Variants in SLC9A2 observed in about 807,000 individuals in gnomAD.
SLC9A2 encodes sodium/hydrogen exchanger 2.
A neutral mutation model predicts 71.7 loss-of-function variants in SLC9A2; 42 were observed. The ratio of observed to expected loss-of-function variants is 0.59; its 90% confidence interval spans 0.46 to 0.76. SLC9A2 has a LOEUF of 0.76. SLC9A2 is among the 30% of genes least tolerant of loss of function. The pLI is 0.00. For missense variants in SLC9A2, 829 were observed against 1,017.4 expected (o/e 0.81, Z 2.52); for synonymous variants, 396 against 392.5 (o/e 1.01, Z -0.10).
chr2:102,653,654 T>C (rs1402490824), intron 1 of SLC9A2, among the ~76,000 whole-genome samples: 1 of 152,188 alleles, frequency 6.6e-6, no homozygotes, highest in Non-Finnish European at 1.5e-5. Context: ...GGAATGAGAA[T>C]GTCCTTTTGA....
intron 1 of SLC9A2, among the ~76,000 whole-genome samples, chr2:102,642,552 T>A (rs1335974069): frequency 6.6e-6 from 1 of 152,190 alleles, no homozygotes; most frequent in South Asian, 2.1e-4. Context: ...ATTCTTTTTA[T>A]ATATTGCTGA....
At chr2:102,621,832 A>G (rs1477516846) in intron 1 of SLC9A2, among the ~76,000 whole-genome samples, 1 of 152,220 alleles carries the variant, frequency 6.6e-6, no homozygotes, top group Non-Finnish European at 1.5e-5. Context: ...TGGATTTTCC[A>G]GGATGACCAG....
intron 1 of SLC9A2, among the ~76,000 whole-genome samples, chr2:102,632,743 A>C (rs1390821383): frequency 6.6e-6 from 1 of 152,218 alleles, no homozygotes; most frequent in Non-Finnish European, 1.5e-5. Context: ...CATGGGAAAG[A>C]CAGAAAAGAA....
chr2:102,634,160 G>A (rs915021691), intron 1 of SLC9A2, among the ~76,000 whole-genome samples: 4 of 152,094 alleles, frequency 2.6e-5, no homozygotes, highest in African/African-American at 9.7e-5. Flanking sequence ...CTCCTTGGTT[G>A]TCCATGATAT....
intron 7 of SLC9A2, among the ~76,000 whole-genome samples, chr2:102,695,800 TTATA>T (rs1240551503): frequency 1.1e-5 from 1 of 93,002 alleles, no homozygotes; most frequent in African/African-American, 3.9e-5. Flanking sequence ...TATATATATA[TTATA>T]TATATATATA....
At chr2:102,674,035 T>G (rs982177166) in intron 3 of SLC9A2, among the ~76,000 whole-genome samples, 6 of 152,186 alleles carry the variant, frequency 3.9e-5, no homozygotes, top group Admixed American at 1.3e-4. Context: ...GTGATCCACC[T>G]GCCCTGGCTT....
In SLC9A2 at chr2:102,709,911, C is replaced by A. The variant is rs1006796074; in HGVS notation, c.*1422C>A. ...GTCCTTTGATTTCCCACTGAAGATA[C>A]CCCAAAGGATGCAAGTGCCTACAGT... On this transcript the variant is annotated 3_prime_UTR_variant, in exon 12 of 12. Transcript: ENST00000233969. 6.6e-6 allele frequency: 1 copy of A among 152,200 alleles called. No individual in the cohort carries two copies. The highest frequency in any genetic ancestry group is 2.4e-5 in the African/African-American group (1 of 41,388). 9.4% of individuals were successfully genotyped at this position (152,200 alleles called of 1,614,324 possible).
chr2:102,635,130 A>G, intron 1 of SLC9A2, among the ~76,000 whole-genome samples: 1 of 152,234 alleles, frequency 6.6e-6, no homozygotes, highest in East Asian at 1.9e-4. Flanking sequence ...GCTATTTTAG[A>G]AATGTCAACC....
chr2:102,619,698 T>G lies in SLC9A2; in HGVS notation c.-151T>G. On this transcript the variant is annotated 5_prime_UTR_variant, in exon 1 of 12. Transcript: ENST00000233969. This position sits in a 1 kb window ranked among gnomAD's most constrained non-coding sequence, Gnocchi z 4.3. ...CGCAGCGAGGACCTAGCCCTCTGGT[T>G]GCAGAGACCCGGTGCCGCAGCAGCG... The G allele has an allele frequency of 1.6e-6, 1 of 614,794 alleles. No homozygotes were observed. The highest frequency in any genetic ancestry group is 2.5e-6 in the Non-Finnish European group (1 of 393,646). The allele number at this position is 614,794 out of a possible 1,614,324, so 38.1% of individuals were successfully genotyped here. A position where few individuals can be genotyped will look rare whatever the true frequency, so the allele number is the denominator to read the frequency against.
intron 2 of SLC9A2, among the ~76,000 whole-genome samples, chr2:102,664,181 CAG>C (rs1355730224): frequency 1.3e-4 from 20 of 150,776 alleles, no homozygotes; most frequent in African/African-American, 4.9e-4. Context: ...GAGGCTGAGG[CAG>C]GAGAATGGCT....
chr2:102,623,077 T>G (rs1344155894), intron 1 of SLC9A2, among the ~76,000 whole-genome samples: 1 of 152,334 alleles, frequency 6.6e-6, no homozygotes, highest in East Asian at 1.9e-4. Flanking sequence ...AGCCCAGATA[T>G]GTTTATATTT....
intron 9 of SLC9A2, among the ~76,000 whole-genome samples, chr2:102,703,075 G>A (rs545757735): frequency 1.3e-5 from 2 of 152,260 alleles, no homozygotes; most frequent in African/African-American, 4.8e-5. Flanking sequence ...GAGGCACAGG[G>A]AGGTGAAGTG....
chr2:102,634,155 T>G (rs1676425020), intron 1 of SLC9A2, among the ~76,000 whole-genome samples: 1 of 152,214 alleles, frequency 6.6e-6, no homozygotes, highest in South Asian at 2.1e-4. Flanking sequence ...CCACACTCCT[T>G]GGTTGTCCAT....
chr2:102,633,527 G>A (rs1319557904), intron 1 of SLC9A2, among the ~76,000 whole-genome samples: 2 of 152,236 alleles, frequency 1.3e-5, no homozygotes, highest in Admixed American at 6.5e-5. Flanking sequence ...GGCTTCCTTC[G>A]TGTGATTCTG....
chr2:102,701,267 T>G, intron 8 of SLC9A2, 36 bp downstream of exon 8: 1 of 1,411,238 alleles, frequency 7.1e-7, no homozygotes, highest in South Asian at 1.3e-5. Context: ...TTAGTATTGT[T>G]AAATAGGCAT....
intron 2 of SLC9A2, among the ~76,000 whole-genome samples, chr2:102,664,041 C>T (rs1476502953): frequency 3.9e-5 from 6 of 152,124 alleles, no homozygotes; most frequent in East Asian, 3.9e-4. Flanking sequence ...TTTGGGAGGC[C>T]GAGGTGGGTG....
At chr2:102,703,466 G>A (rs1677913488) in intron 9 of SLC9A2, among the ~76,000 whole-genome samples, 1 of 152,120 alleles carries the variant, frequency 6.6e-6, no homozygotes, top group African/African-American at 2.4e-5. Context: ...AAAGCCTCCA[G>A]TTTTTAAGGC....
chr2:102,685,938 A>G lies in SLC9A2; in HGVS notation c.1425+1602A>G, dbSNP rs192187719. ...GAAAATATACATTGAAGAGGCTGCA[A>G]TAGAGGAGTAAGGATTGAGCCTTGG... On this transcript the variant is annotated intron_variant, in intron 5 of 11. Coordinates refer to ENST00000233969, the MANE Select transcript of SLC9A2 (RefSeq NM_003048.6). Among the ~76,000 whole-genome samples, 315 of 152,360 alleles carry G rather than the reference A, an allele frequency of 2.1e-3. 2 individuals are homozygous for G. The highest frequency in any genetic ancestry group is 7.2e-3 in the African/African-American group (301 of 41,580).
chr2:102,694,698 T>C (rs1439888766), intron 6 of SLC9A2, among the ~76,000 whole-genome samples, 195 bp downstream of exon 6: 1 of 152,184 alleles, frequency 6.6e-6, no homozygotes, highest in East Asian at 1.9e-4. Flanking sequence ...CCAGGTTAGC[T>C]TACTAAACTC....
Sources: gnomAD v4.1 joint callset for allele counts (sites outside exome capture counted in the v4.1 genomes callset) on GRCh38, gnomAD v4.1.1 for gene constraint, Gnocchi (gnomAD v3.1) non-coding constraint, MANE v1.5 for transcripts, NCBI Gene and HGNC (gene_info 2026-07-23, HGNC 2026-07-21) for gene names.